The following RELL1 variants were observed in gnomAD, a reference collection of about 807,000 sequenced individuals.
RELL1 encodes RELT-like protein 1.
RELL1 carries 10 observed loss-of-function variants against 23.0 expected under a neutral mutation model. The ratio of observed to expected loss-of-function variants is 0.43; its 90% CI spans 0.27 to 0.74. The LOEUF is 0.74. Among genes scored for constraint, RELL1 ranks in the 30% least tolerant of loss-of-function variants. The pLI is 0.19. For synonymous variants in RELL1, 146 were observed against 146.8 expected (o/e 0.99, Z 0.04); for missense variants, 315 against 364.4 (o/e 0.86, Z 1.10).
chr4:37,607,348 G>C (rs955493727), downstream of RELL1, among the ~76,000 whole-genome samples: 2 of 152,290 alleles, frequency 1.3e-5, 1 homozygote. Context: ...GAAATGGAGG[G>C]AAGGGTTTAC....
At chr4:37,600,277 A>T (rs1268524100) in intron 6 of RELL1, among the ~76,000 whole-genome samples, 9 of 150,042 alleles carry the variant, frequency 6.0e-5, no homozygotes, top group South Asian at 2.1e-4. Context: ...CTCAAAAAAA[A>T]AAAAAAAAAA....
At chr4:37,624,592 T>A (rs1281499537) in intron 6 of RELL1, among the ~76,000 whole-genome samples, 1 of 149,042 alleles carries the variant, frequency 6.7e-6, no homozygotes, top group East Asian at 2.0e-4. Flanking sequence ...CCCGGCTAAT[T>A]TTTTTTTTTG....
chr4:37,626,624 A>G (rs957392415), intron 6 of RELL1, among the ~76,000 whole-genome samples: 4 of 152,232 alleles, frequency 2.6e-5, no homozygotes, highest in Non-Finnish European at 4.4e-5. Flanking sequence ...TAGCCAAGAT[A>G]TGGAATCTTC....
chr4:37,642,875 T>G (rs180816436), intron 3 of RELL1, among the ~76,000 whole-genome samples: 5 of 152,334 alleles, frequency 3.3e-5, no homozygotes, highest in East Asian at 1.9e-4. Context: ...GCTGAACAGG[T>G]GCAGGTGCCG....
At chr4:37,597,596 C>T (rs1433349266) in intron 6 of RELL1, among the ~76,000 whole-genome samples, 3 of 152,144 alleles carry the variant, frequency 2.0e-5, no homozygotes, top group African/African-American at 7.2e-5. Flanking sequence ...ACTCATCAGC[C>T]GACGTGCTGC....
chr4:37,622,174 A>G (rs1450595565), intron 6 of RELL1, among the ~76,000 whole-genome samples: 1 of 152,246 alleles, frequency 6.6e-6, no homozygotes, highest in Non-Finnish European at 1.5e-5. Context: ...TCAGGGAACC[A>G]CAGAACCTAA....
In RELL1 at chr4:37,686,216, C is replaced by T; in HGVS notation, c.72G>A (p.Ser24=). ...GACACTCACCCGGAGCCACCAGCGG[C>T]GAACTCACGGCGCCTCCCACGAAGA... ...AAVFVGGAVS[S]PLVAPDNGSS... The change falls in exon 1 of 7, where the codon TCG becomes TCA. Residue 24 remains serine (S), a synonymous_variant. Transcript: ENST00000454158. The T allele has an allele frequency of 3.8e-6, 6 of 1,580,772 alleles. No individual in the cohort carries two copies. Among genetic ancestry groups the T allele is most frequent in the East Asian group, 2.4e-5 (1 of 42,406 alleles).
chr4:37,617,784 A>G (rs1719623371), intron 6 of RELL1, among the ~76,000 whole-genome samples: 1 of 152,220 alleles, frequency 6.6e-6, no homozygotes, highest in South Asian at 2.1e-4. Context: ...CTCCGTCTCA[A>G]AACAAAACAA....
chr4:37,686,076 C>T, intron 1 of RELL1, 124 bp downstream of exon 1: 3 of 836,546 alleles, frequency 3.6e-6, no homozygotes, highest in Non-Finnish European at 5.5e-6. Flanking sequence ...TGTTCAGTGC[C>T]GGGATCCCGC....
intron 6 of RELL1, among the ~76,000 whole-genome samples, chr4:37,618,538 T>G (rs1379786742): frequency 1.3e-5 from 2 of 152,026 alleles, no homozygotes; most frequent in African/African-American, 4.8e-5. Context: ...ACACCCAGCA[T>G]CTACTTCAAT....
chr4:37,665,713 C>T (rs961617388), intron 1 of RELL1, among the ~76,000 whole-genome samples: 2 of 152,168 alleles, frequency 1.3e-5, no homozygotes, highest in Admixed American at 1.3e-4. Flanking sequence ...AGCCTGTCTC[C>T]AGTAGCAACG....
intron 1 of RELL1, among the ~76,000 whole-genome samples, chr4:37,655,204 C>G (rs945798255): frequency 2.0e-5 from 3 of 151,752 alleles, no homozygotes; most frequent in Admixed American, 6.6e-5. Context: ...TCTGCTTGAG[C>G]AACATAGTGG....
intron 1 of RELL1, among the ~76,000 whole-genome samples, chr4:37,681,531 T>A (rs894070300): frequency 7.2e-6 from 1 of 139,514 alleles, no homozygotes; most frequent in African/African-American, 2.7e-5. Flanking sequence ...TTTTTTTTTT[T>A]TTTTTTTTTT....
At chr4:37,606,209 A>AAAG (rs1719218842), downstream of RELL1, among the ~76,000 whole-genome samples, 2 of 149,912 alleles carry the variant, frequency 1.3e-5, no homozygotes, top group South Asian at 4.3e-4. The surrounding 1 kb of genome is among the most constrained non-coding windows in gnomAD (Gnocchi z 4.1). Context: ...AGAAAGAAAG[A>AAAG]AGGAAAGAAA....
At chr4:37,660,514 C>G (rs961269896) in intron 1 of RELL1, among the ~76,000 whole-genome samples, 1 of 152,146 alleles carries the variant, frequency 6.6e-6, no homozygotes, top group Non-Finnish European at 1.5e-5. Context: ...GTAGCAAACC[C>G]TGCACTGACC....
intron 1 of RELL1, among the ~76,000 whole-genome samples, chr4:37,681,614 C>T (rs537713665): frequency 4.6e-5 from 7 of 151,032 alleles, no homozygotes; most frequent in African/African-American, 1.7e-4. Context: ...CTGCAACCTC[C>T]GCTTCCCAGG....
rs775825681 is a variant in RELL1, at chr4:37,649,291, T to C, written c.298A>G (p.Lys100Glu). The C allele has an allele frequency of 1.9e-5, 30 of 1,613,972 alleles. No homozygotes were observed. The highest frequency in any genetic ancestry group is 8.5e-6 in the Non-Finnish European group (10 of 1,179,944). The change falls in exon 2 of 7, where the codon AAG (lysine) becomes GAG (glutamate). Residue 100 changes from lysine (K) to glutamate (E), a missense_variant. By Grantham distance (56) the Lys-to-Glu change is moderately conservative. Transcript: ENST00000454158. ...TEAEQDIEEE[K>E]VEKIELNDSV... ...GGTTATTTACCTATCTTTTCAACCT[T>C]TTCCTCTTCGATATCTTGCTCTGCT...
intron 6 of RELL1, among the ~76,000 whole-genome samples, chr4:37,626,626 G>A (rs1371489927): frequency 6.6e-6 from 1 of 152,110 alleles, no homozygotes; most frequent in African/African-American, 2.4e-5. Flanking sequence ...GCCAAGATAT[G>A]GAATCTTCCT....
At chr4:37,617,070 C>T (rs1045745172) in intron 6 of RELL1, among the ~76,000 whole-genome samples, 12 of 152,142 alleles carry the variant, frequency 7.9e-5, no homozygotes, top group Admixed American at 3.9e-4. Context: ...TTTAACAAAC[C>T]CAATAGATTC....
Sources: allele counts gnomAD v4.1 joint callset (sites outside exome capture counted in the v4.1 genomes callset), GRCh38; gene constraint gnomAD v4.1.1; non-coding constraint Gnocchi (gnomAD v3.1); transcripts MANE v1.5; gene names NCBI Gene and HGNC (gene_info 2026-07-23, HGNC 2026-07-21).